The following GPR39 variants were observed in gnomAD, a reference collection of about 807,000 sequenced individuals.
GPR39 encodes G protein-coupled receptor 39.
A neutral mutation model predicts 18.4 loss-of-function variants in GPR39; 23 were observed. The ratio of observed to expected loss-of-function variants is 1.25; its 90% CI spans 0.90 to 1.77. GPR39 has a LOEUF of 1.77. GPR39 is among the 40% of genes most tolerant of loss of function. The pLI, the probability that GPR39 is intolerant of heterozygous loss-of-function variation, is 0.00. For missense variants in GPR39, 647 were observed against 602.4 expected (o/e 1.07, Z -0.78); for synonymous variants, 280 against 257.9 (o/e 1.09, Z -0.82).
intron 1 of GPR39, among the ~76,000 whole-genome samples, chr2:132,435,479 C>T (rs140278615): frequency 2.4e-4 from 36 of 152,202 alleles, no homozygotes; most frequent in Non-Finnish European, 3.4e-4. Flanking sequence ...ATGTGTTAAT[C>T]GACTGTTTGT....
At chr2:132,481,156 C>T (rs1052987492) in intron 1 of GPR39, among the ~76,000 whole-genome samples, 1 of 152,180 alleles carries the variant, frequency 6.6e-6, no homozygotes, top group Non-Finnish European at 1.5e-5. Flanking sequence ...TTCGTCTAAG[C>T]TGGAAGCAGC....
intron 1 of GPR39, among the ~76,000 whole-genome samples, chr2:132,434,253 T>A (rs1452992066): frequency 6.6e-6 from 1 of 152,188 alleles, no homozygotes; most frequent in Non-Finnish European, 1.5e-5. Context: ...GTTCAAATGC[T>A]GTTGGGTTTA....
Position 132,645,299 on chromosome 2 carries a change from G to A in GPR39, c.1055G>A (p.Arg352Gln), listed in dbSNP as rs1220872906. The change falls in exon 2 of 2, where the codon CGG (arginine) becomes CAG (glutamine). Residue 352 changes from arginine (R) to glutamine (Q), a missense_variant. Transcript: ENST00000329321. ...LLYTVSSQQF[R>Q]RVFVQVLCCR... ...TACACGGTGTCCTCGCAGCAGTTTC[G>A]GCGGGTGTTCGTGCAGGTGCTGTGC... 7.4e-6 allele frequency: 12 copies of A among 1,614,020 alleles called. No homozygotes were observed. Among genetic ancestry groups the A allele is most frequent in the South Asian group, 1.1e-5 (1 of 91,064 alleles).
intron 1 of GPR39, among the ~76,000 whole-genome samples, chr2:132,538,132 C>T (rs1200828830): frequency 2.0e-5 from 3 of 152,126 alleles, no homozygotes; most frequent in African/African-American, 7.2e-5. Flanking sequence ...GGCACTCTGG[C>T]ATTTGGAATT....
chr2:132,567,049 T>C (rs1680361047), intron 1 of GPR39, among the ~76,000 whole-genome samples: 1 of 152,162 alleles, frequency 6.6e-6, no homozygotes, highest in African/African-American at 2.4e-5. Flanking sequence ...AGTGGAGCCT[T>C]TGGCCAGGTG....
intron 1 of GPR39, among the ~76,000 whole-genome samples, chr2:132,630,477 T>G (rs1681630049): frequency 6.6e-6 from 1 of 152,184 alleles, no homozygotes; most frequent in Non-Finnish European, 1.5e-5. Context: ...AAGGACAGAC[T>G]GGAGGAATAA....
intron 1 of GPR39, among the ~76,000 whole-genome samples, chr2:132,420,683 C>T (rs991281886): frequency 6.6e-6 from 1 of 152,174 alleles, no homozygotes; most frequent in Non-Finnish European, 1.5e-5. Context: ...TTGTTCGCCG[C>T]TCGTTGTTAA....
chr2:132,540,057 C>A (rs1288100866), intron 1 of GPR39, among the ~76,000 whole-genome samples: 1 of 152,082 alleles, frequency 6.6e-6, no homozygotes, highest in Non-Finnish European at 1.5e-5. Context: ...CCGTGTCTAC[C>A]CTCACTCACA....
At chr2:132,601,682 CTT>C (rs1681045691) in intron 1 of GPR39, among the ~76,000 whole-genome samples, 1 of 152,096 alleles carries the variant, frequency 6.6e-6, no homozygotes, top group African/African-American at 2.4e-5. Flanking sequence ...AGCCTAAAGA[CTT>C]CACCAAAAAA....
chr2:132,423,603 C>G (rs1473975797), intron 1 of GPR39, among the ~76,000 whole-genome samples: 1 of 152,114 alleles, frequency 6.6e-6, no homozygotes, highest in East Asian at 1.9e-4. Context: ...CTATCTTACT[C>G]TATTCTCTAC....
chr2:132,582,173 C>T (rs151104044), intron 1 of GPR39, among the ~76,000 whole-genome samples: 19 of 152,230 alleles, frequency 1.2e-4, no homozygotes, highest in Non-Finnish European at 2.2e-4. Flanking sequence ...ACAGGTGATC[C>T]GTGAGAAGGA....
At chr2:132,622,644 A>G (rs941405238) in intron 1 of GPR39, among the ~76,000 whole-genome samples, 2 of 152,244 alleles carry the variant, frequency 1.3e-5, no homozygotes, top group Non-Finnish European at 2.9e-5. Flanking sequence ...CTTACAAGTC[A>G]TAGGTAGGTT....
chr2:132,495,255 G>A (rs1046933349), intron 1 of GPR39, among the ~76,000 whole-genome samples: 1 of 152,188 alleles, frequency 6.6e-6, no homozygotes, highest in African/African-American at 2.4e-5. Context: ...TCTAAATAGA[G>A]CAAGTGAACC....
chr2:132,593,348 A>G (rs1680879460), intron 1 of GPR39, among the ~76,000 whole-genome samples: 1 of 152,026 alleles, frequency 6.6e-6, no homozygotes, highest in South Asian at 2.1e-4. Context: ...CCCTAATCAC[A>G]TGGTTGGTTT....
chr2:132,537,940 C>T (rs1679788501), intron 1 of GPR39, among the ~76,000 whole-genome samples: 1 of 151,972 alleles, frequency 6.6e-6, no homozygotes, highest in Admixed American at 6.6e-5. Context: ...TGGTTAGCAA[C>T]TCCTGTAACC....
chr2:132,505,957 G>C (rs1363163708), intron 1 of GPR39, among the ~76,000 whole-genome samples: 1 of 152,168 alleles, frequency 6.6e-6, no homozygotes, highest in Non-Finnish European at 1.5e-5. Context: ...TCTAATTTTA[G>C]TTTTTTGAGA....
intron 1 of GPR39, among the ~76,000 whole-genome samples, chr2:132,494,211 AG>A (rs143289380): frequency 0.014 from 2,110 of 152,268 alleles, 52 homozygotes; most frequent in African/African-American, 0.048. Context: ...TGGCTAAACC[AG>A]GGGGACCTTA....
intron 1 of GPR39, among the ~76,000 whole-genome samples, chr2:132,538,702 G>T (rs1004067927): frequency 6.6e-6 from 1 of 152,220 alleles, no homozygotes; most frequent in Admixed American, 6.5e-5. Flanking sequence ...CCAGGGAGAT[G>T]AGAATTCTGT....
At chr2:132,616,640 C>T (rs1364201219) in intron 1 of GPR39, among the ~76,000 whole-genome samples, 1 of 152,140 alleles carries the variant, frequency 6.6e-6, no homozygotes, top group Non-Finnish European at 1.5e-5. Context: ...TGTATGATCT[C>T]CTGTTGTAGG....
Sources: gnomAD v4.1 joint callset for allele counts (sites outside exome capture counted in the v4.1 genomes callset) on GRCh38, gnomAD v4.1.1 for gene constraint, MANE v1.5 for transcripts, NCBI Gene and HGNC (gene_info 2026-07-23, HGNC 2026-07-21) for gene names.